DYNC1I2: variants seen among roughly 807,000 people sequenced by gnomAD.
DYNC1I2 encodes dynein cytoplasmic 1 intermediate chain 2, also known as cytoplasmic dynein 1 intermediate chain 2.
In DYNC1I2, 53 loss-of-function variants were observed where a neutral mutation model predicts 88.6. The ratio of observed to expected loss-of-function variants is 0.60; its 90% CI spans 0.48 to 0.75. DYNC1I2 has a LOEUF of 0.75. Ranked by LOEUF, DYNC1I2 falls within the 30% of genes least tolerant of loss-of-function variation. The pLI is 0.00. For missense variants in DYNC1I2, 458 were observed against 766.6 expected (o/e 0.60, Z 4.75); for synonymous variants, 198 against 254.6 (o/e 0.78, Z 2.12).
chr2:171,698,840 G>A (rs1685986109), intron 3 of DYNC1I2, among the ~76,000 whole-genome samples: 4 of 152,044 alleles, frequency 2.6e-5, no homozygotes, highest in Admixed American at 2.0e-4. Flanking sequence ...CTGCACTCCA[G>A]CCTGAGTGAC....
At chr2:171,735,149 C>G (rs145401421) in intron 15 of DYNC1I2, among the ~76,000 whole-genome samples, 1 of 152,276 alleles carries the variant, frequency 6.6e-6, no homozygotes, top group African/African-American at 2.4e-5. Flanking sequence ...AAGATTTCTT[C>G]CTTTTCTCTC....
At chr2:171,703,209 T>A in intron 3 of DYNC1I2, among the ~76,000 whole-genome samples, 1 of 152,214 alleles carries the variant, frequency 6.6e-6, no homozygotes, top group East Asian at 1.9e-4. Flanking sequence ...GCCATTCTGC[T>A]TTAGGACAAC....
intron 5 of DYNC1I2, among the ~76,000 whole-genome samples, chr2:171,712,227 T>G (rs1291669006): frequency 6.6e-6 from 1 of 152,190 alleles, no homozygotes; most frequent in Non-Finnish European, 1.5e-5. Flanking sequence ...ACTTTAGCTA[T>G]TTTGTATCCC....
At chr2:171,701,973 C>A (rs551478208) in intron 3 of DYNC1I2, among the ~76,000 whole-genome samples, 1 of 152,244 alleles carries the variant, frequency 6.6e-6, no homozygotes, top group South Asian at 2.1e-4. Context: ...CAAGATAGAA[C>A]ATTGTAGGGA....
Position 171,690,127 on chromosome 2 carries a change from A to G in DYNC1I2, c.-9-20A>G. On this transcript the variant is annotated intron_variant, in intron 1 of 17. Coordinates refer to ENST00000397119, the MANE Select transcript of DYNC1I2 (RefSeq NM_001378.3). ...TCAACTGTGCTGCTTTTACTAACAT[A>G]ATGATTATATGTTTCTAAGGTCACA... 6.9e-7 allele frequency: 1 copy of G among 1,451,316 alleles called. No individual in the cohort carries two copies. Among genetic ancestry groups the G allele is most frequent in the East Asian group, 2.5e-5 (1 of 40,284 alleles). 89.9% of individuals were successfully genotyped at this position (1,451,316 alleles called of 1,614,324 possible).
At chr2:171,729,567 G>T in intron 14 of DYNC1I2, 142 bp from the exon 15 acceptor site, 1 of 842,892 alleles carries the variant, frequency 1.2e-6, no homozygotes, top group Non-Finnish European at 1.8e-6. Flanking sequence ...ACTCAACAAA[G>T]TTAATTCTGA....
intron 1 of DYNC1I2, among the ~76,000 whole-genome samples, chr2:171,689,364 A>G (rs1442021856): frequency 6.6e-6 from 1 of 152,202 alleles, no homozygotes; most frequent in Non-Finnish European, 1.5e-5. Flanking sequence ...CTTTAGTATT[A>G]CTACAGCACT....
intron 3 of DYNC1I2, among the ~76,000 whole-genome samples, chr2:171,704,996 T>C (rs1253937933): frequency 7.9e-5 from 12 of 152,268 alleles, no homozygotes; most frequent in African/African-American, 2.9e-4. Flanking sequence ...GAGTCCTTTA[T>C]AGAGTCTTTT....
intron 7 of DYNC1I2, 75 bp downstream of exon 7, chr2:171,715,518 A>AT: frequency 9.7e-7 from 1 of 1,035,270 alleles, no homozygotes; most frequent in Non-Finnish European, 1.4e-6. Flanking sequence ...TCTTCCTTTG[A>AT]TTTTTGTTTT....
intron 17 of DYNC1I2, among the ~76,000 whole-genome samples, chr2:171,746,666 G>A (rs563448809): frequency 1.3e-5 from 2 of 152,208 alleles, no homozygotes; most frequent in South Asian, 4.1e-4. Context: ...CACTAATATG[G>A]TAGCTTCTAG....
At chr2:171,742,061 G>A (rs1689470587) in intron 15 of DYNC1I2, among the ~76,000 whole-genome samples, 1 of 129,228 alleles carries the variant, frequency 7.7e-6, no homozygotes. Flanking sequence ...GCGAGACGCG[G>A]TCTCAGAAAA....
chr2:171,693,664 G>C (rs558448355), intron 3 of DYNC1I2, among the ~76,000 whole-genome samples: 1 of 152,144 alleles, frequency 6.6e-6, no homozygotes, highest in Admixed American at 6.5e-5. Flanking sequence ...CTCTATGCTT[G>C]TTGTGAAACT....
rs1021198494 is a variant in DYNC1I2 at position 171,747,811 on chromosome 2, G to T, written c.1839G>T (p.Arg613=). ...TTCCCCGCAATGATGAATGGGCACG[G>T]TTTGGCCGAACACTTGCAGAAATTA... The part of the protein sequence containing the change: ...IAVPRNDEWA[R]FGRTLAEINA... The change falls in exon 18 of 18, where the codon CGG becomes CGT. Residue 613 remains arginine (R), a synonymous_variant. Coordinates refer to ENST00000397119, the MANE Select transcript of DYNC1I2 (RefSeq NM_001378.3). 10 of 1,611,156 alleles carry T rather than the reference G, an allele frequency of 6.2e-6. No homozygotes were observed. Among genetic ancestry groups the T allele is most frequent in the Non-Finnish European group, 8.5e-6 (10 of 1,179,346 alleles).
intron 11 of DYNC1I2, among the ~76,000 whole-genome samples, chr2:171,727,462 A>C (rs1008902654): frequency 3.3e-5 from 5 of 152,130 alleles, no homozygotes; most frequent in Admixed American, 6.6e-5. Flanking sequence ...TAAACACTTA[A>C]CTTGAATTAA....
In DYNC1I2 at chr2:171,749,196, G is replaced by C. The variant is rs16859816; in HGVS notation, c.*1307G>C. 0.016 allele frequency among the ~76,000 whole-genome samples: 2,474 copies of C among 152,224 alleles called. 56 individuals carry two copies. Among genetic ancestry groups the C allele is most frequent in the African/African-American group, 0.052 (2,159 of 41,534 alleles). Reference sequence around the variant, plus strand: ...CCTGGAATTATTGGCCCCAAACTCTGATTCTTGCTGAAGCATCTATGAGAA... The same window carrying C: ...CCTGGAATTATTGGCCCCAAACTCTCATTCTTGCTGAAGCATCTATGAGAA... On this transcript the variant is annotated 3_prime_UTR_variant, in exon 18 of 18. Coordinates refer to ENST00000397119, the MANE Select transcript of DYNC1I2 (RefSeq NM_001378.3).
chr2:171,744,741 T>G, intron 16 of DYNC1I2, among the ~76,000 whole-genome samples: 1 of 152,222 alleles, frequency 6.6e-6, no homozygotes, highest in Admixed American at 6.5e-5. Flanking sequence ...CTAAAATCAC[T>G]TATTAGCCAT....
intron 5 of DYNC1I2, among the ~76,000 whole-genome samples, chr2:171,710,041 C>T (rs1160736800): frequency 1.3e-5 from 2 of 151,186 alleles, no homozygotes; most frequent in African/African-American, 4.9e-5. Context: ...TTAATATGTA[C>T]GTTGTCTCCT....
intron 3 of DYNC1I2, among the ~76,000 whole-genome samples, chr2:171,706,288 T>A (rs532412495): frequency 2.0e-5 from 3 of 152,094 alleles, no homozygotes; most frequent in Non-Finnish European, 4.4e-5. Flanking sequence ...ATACTTGGGA[T>A]TGGGGACATT....
intron 7 of DYNC1I2, among the ~76,000 whole-genome samples, chr2:171,718,356 T>C (rs947279405): frequency 5.9e-5 from 9 of 152,336 alleles, no homozygotes; most frequent in African/African-American, 2.2e-4. Flanking sequence ...ACAGAAAGGA[T>C]ATAGAGAGGA....
Sources: allele counts gnomAD v4.1 joint callset (sites outside exome capture counted in the v4.1 genomes callset), GRCh38; gene constraint gnomAD v4.1.1; transcripts MANE v1.5; gene names NCBI Gene and HGNC (gene_info 2026-07-23, HGNC 2026-07-21).